Variants in CDH13 observed in about 807,000 individuals in gnomAD.
CDH13 encodes the protein cadherin-13.
In CDH13, 24 loss-of-function variants were observed where a neutral mutation model predicts 63.8. The ratio of observed to expected loss-of-function variants is 0.38; its 90% confidence interval spans 0.27 to 0.53. The LOEUF (loss-of-function observed/expected upper bound fraction) is 0.53. Among genes scored for constraint, CDH13 ranks in the 20% least tolerant of loss-of-function variants. CDH13 has a pLI of 0.85. For synonymous variants in CDH13, 503 were observed against 355.3 expected (o/e 1.42, Z -4.67); for missense variants, 1,049 against 903.1 (o/e 1.16, Z -2.07).
intron 10 of CDH13, among the ~76,000 whole-genome samples, chr16:83,692,341 G>C (rs1904990661): frequency 6.6e-6 from 1 of 152,166 alleles, no homozygotes; most frequent in Non-Finnish European, 1.5e-5. Flanking sequence ...CTGGACTCAA[G>C]GTTGCAGGAG....
chr16:82,796,860 GT>G (rs2036605173), intron 1 of CDH13, among the ~76,000 whole-genome samples: 1 of 152,212 alleles, frequency 6.6e-6, no homozygotes, highest in Non-Finnish European at 1.5e-5. Context: ...GTGTATTTCA[GT>G]GTTTCTCCAA....
At chr16:82,793,998 C>T (rs77258253) in intron 1 of CDH13, among the ~76,000 whole-genome samples, 11,553 of 151,946 alleles carry the variant, frequency 0.076, 536 homozygotes, top group African/African-American at 0.12. Context: ...ACAAGCCCCA[C>T]CAAGAAGAGC....
intron 5 of CDH13, among the ~76,000 whole-genome samples, chr16:83,238,721 A>C (rs7198380): frequency 6.6e-6 from 1 of 152,154 alleles, no homozygotes; most frequent in Non-Finnish European, 1.5e-5. Context: ...ACATTTAACC[A>C]GTACCTCCAT....
chr16:82,929,069 G>T (rs2042394198), intron 2 of CDH13, among the ~76,000 whole-genome samples: 2 of 152,192 alleles, frequency 1.3e-5, no homozygotes, highest in African/African-American at 2.4e-5. Context: ...ACCATTGTTT[G>T]TATTTTTTAA....
At chr16:82,882,723 T>A (rs1472304541) in intron 2 of CDH13, among the ~76,000 whole-genome samples, 3 of 152,256 alleles carry the variant, frequency 2.0e-5, no homozygotes, top group Admixed American at 6.5e-5. Context: ...TAACAGTATG[T>A]ATGTCTAATA....
At chr16:83,055,170 A>G (rs1185029657) in intron 3 of CDH13, among the ~76,000 whole-genome samples, 1 of 152,108 alleles carries the variant, frequency 6.6e-6, no homozygotes, top group Non-Finnish European at 1.5e-5. Flanking sequence ...ACAAAACTTG[A>G]GAATCCAGAT....
At chr16:82,844,522 A>C (rs1261753381) in intron 1 of CDH13, 1 of 149,352 alleles carries the variant, frequency 6.7e-6, no homozygotes, top group Non-Finnish European at 1.5e-5. Flanking sequence ...AATGGCGTGA[A>C]CCCGGGAGGC....
chr16:83,743,105 G>A (rs1467013122), intron 10 of CDH13, among the ~76,000 whole-genome samples: 1 of 152,174 alleles, frequency 6.6e-6, no homozygotes. Context: ...TATTTGGGAG[G>A]CTGAGGCAGG....
At chr16:82,986,189 C>G (rs1395726314) in intron 2 of CDH13, among the ~76,000 whole-genome samples, 2 of 152,160 alleles carry the variant, frequency 1.3e-5, no homozygotes, top group African/African-American at 4.8e-5. Flanking sequence ...CAGCCAGGCA[C>G]TCTGTAGAGA....
intron 1 of CDH13, among the ~76,000 whole-genome samples, chr16:82,748,000 T>G (rs1049166940): frequency 6.6e-6 from 1 of 152,184 alleles, no homozygotes; most frequent in African/African-American, 2.4e-5. Flanking sequence ...GGAAGTAGAT[T>G]CCATTTTACT....
intron 8 of CDH13, among the ~76,000 whole-genome samples, chr16:83,661,348 G>A (rs774090444): frequency 2.0e-4 from 31 of 152,148 alleles, no homozygotes; most frequent in Non-Finnish European, 4.0e-4. Flanking sequence ...TTAGCTTGGC[G>A]TGGTGGCACA....
intron 6 of CDH13, among the ~76,000 whole-genome samples, chr16:83,434,850 TGTGTGC>T (rs879597200): frequency 0.027 from 1,803 of 67,076 alleles, 24 homozygotes; most frequent in Non-Finnish European, 0.043. Flanking sequence ...TATATATATG[TGTGTGC>T]GTGTGTGTGT....
At chr16:83,171,686 G>A in intron 4 of CDH13, 1 of 808,408 alleles carries the variant, frequency 1.2e-6, no homozygotes. Flanking sequence ...ATGCTCTTTG[G>A]CAGGCACGCC....
At chr16:82,841,126 C>A (rs1020314894) in intron 1 of CDH13, among the ~76,000 whole-genome samples, 2 of 152,212 alleles carry the variant, frequency 1.3e-5, no homozygotes, top group Non-Finnish European at 2.9e-5. Flanking sequence ...AGGAGGTCAA[C>A]CTTACCATCC....
chr16:83,315,048 G>C (rs2090077961), intron 5 of CDH13, among the ~76,000 whole-genome samples: 1 of 152,070 alleles, frequency 6.6e-6, no homozygotes, highest in Non-Finnish European at 1.5e-5. Context: ...ACTACAAAAG[G>C]GTCACCCATG....
chr16:82,878,806 G>A (rs1346559932), intron 2 of CDH13, among the ~76,000 whole-genome samples: 2 of 151,992 alleles, frequency 1.3e-5, no homozygotes, highest in Non-Finnish European at 2.9e-5. Flanking sequence ...ATCAGCAATT[G>A]TGCCTTTCTA....
At chr16:83,446,047 C>G (rs1464507281) in intron 6 of CDH13, among the ~76,000 whole-genome samples, 4 of 151,870 alleles carry the variant, frequency 2.6e-5, no homozygotes, top group African/African-American at 9.7e-5. Flanking sequence ...GTCTGTAATC[C>G]CAGCACTTTG....
chr16:82,948,527 G>T (rs1468050955), intron 2 of CDH13, among the ~76,000 whole-genome samples: 2 of 152,114 alleles, frequency 1.3e-5, no homozygotes, highest in African/African-American at 2.4e-5. Context: ...CATTATTTGG[G>T]AACAATCAAA....
chr16:83,101,766 C>G (rs1256725322), intron 3 of CDH13, among the ~76,000 whole-genome samples: 1 of 152,074 alleles, frequency 6.6e-6, no homozygotes, highest in African/African-American at 2.4e-5. Flanking sequence ...TGCACTCCAG[C>G]CTGGGAGAGA....
Sources: allele counts gnomAD v4.1 joint callset (sites outside exome capture counted in the v4.1 genomes callset), GRCh38; gene constraint gnomAD v4.1.1; transcripts MANE v1.5; gene names NCBI Gene and HGNC (gene_info 2026-07-23, HGNC 2026-07-21).